The following PPM1A variants were observed in gnomAD, a reference collection of about 807,000 sequenced individuals.
PPM1A encodes protein phosphatase, Mg2+/Mn2+ dependent 1A.
PPM1A carries 7 observed loss-of-function variants against 35.0 expected under a neutral mutation model. That is an observed-to-expected ratio of 0.20 (90% CI 0.11 to 0.38). The LOEUF (loss-of-function observed/expected upper bound fraction) is 0.38. Among genes scored for constraint, PPM1A ranks in the 10% least tolerant of loss-of-function variants. The pLI is 1.00. For missense variants in PPM1A, 239 were observed against 467.8 expected (o/e 0.51, Z 4.51); for synonymous variants, 153 against 167.3 (o/e 0.91, Z 0.66).
Position 60,283,087 on chromosome 14 carries a change from A to G in PPM1A, c.384A>G (p.Thr128=). 6.2e-7 allele frequency: 1 copy of G among 1,614,254 alleles called. No individual in the cohort carries two copies. Among genetic ancestry groups the G allele is most frequent in the Non-Finnish European group, 8.5e-7 (1 of 1,180,050 alleles). The change falls in exon 2 of 6, where the codon ACA becomes ACG. Residue 128 remains threonine (T), a synonymous_variant. Coordinates refer to ENST00000395076, the MANE Select transcript of PPM1A (RefSeq NM_021003.5). The surrounding 1 kb of genome is among the most constrained non-coding windows in gnomAD (Gnocchi z 6.3). ...KKHGADRSGS[T]AVGVLISPQH... is the part of the protein sequence containing the mutation. ...ATGGTGCAGATAGAAGTGGGTCAAC[A>G]GCTGTAGGTGTCTTAATTTCTCCCC...
At chr14:60,261,701 T>G (rs1445973910) in intron 1 of PPM1A, among the ~76,000 whole-genome samples, 1 of 152,170 alleles carries the variant, frequency 6.6e-6, no homozygotes. Flanking sequence ...AGTGGGCTGT[T>G]TAGTTCACTT....
At chr14:60,266,133 G>A (rs1884350307) in intron 1 of PPM1A, among the ~76,000 whole-genome samples, 1 of 152,036 alleles carries the variant, frequency 6.6e-6, no homozygotes, top group African/African-American at 2.4e-5. Context: ...TTAATAGCTA[G>A]CAGGATTGGT....
intron 3 of PPM1A, chr14:60,286,455 A>C: frequency 1.0e-6 from 1 of 985,380 alleles, no homozygotes; most frequent in Non-Finnish European, 1.2e-6. Context: ...CAGTTTCTCT[A>C]AGTGGAAAAA....
intron 1 of PPM1A, among the ~76,000 whole-genome samples, chr14:60,279,542 A>G (rs1198866804): frequency 6.6e-6 from 1 of 152,208 alleles, no homozygotes; most frequent in Non-Finnish European, 1.5e-5. Context: ...GAGATCTATA[A>G]TTAGAAGTGG....
rs1234524822 is a variant in PPM1A, at chr14:60,295,474, A to G, written c.*2992A>G. 6.6e-6 allele frequency: 1 copy of G among 151,772 alleles called. No individual in the cohort carries two copies. Among genetic ancestry groups the G allele is most frequent in the Non-Finnish European group, 1.5e-5 (1 of 67,726 alleles). The allele number at this position is 151,772 out of a possible 1,614,324, so 9.4% of individuals were successfully genotyped here. On this transcript the variant is annotated 3_prime_UTR_variant, in exon 6 of 6. Coordinates refer to ENST00000395076, the MANE Select transcript of PPM1A (RefSeq NM_021003.5). ...CTGCTCTAGCCACTTAATTTTTTAT[A>G]CTAATCTCAACATTAAGAAATTTGG...
intron 1 of PPM1A, among the ~76,000 whole-genome samples, chr14:60,265,329 C>T (rs1301077840): frequency 4.6e-5 from 7 of 152,204 alleles, no homozygotes; most frequent in Admixed American, 4.6e-4. Flanking sequence ...GTATTGGTTT[C>T]AAGCAGTGAG....
rs555048470 is a variant in PPM1A at position 60,254,675 on chromosome 14, TCTTA to T, written c.-21+5001_-21+5004del. On this transcript the variant is annotated intron_variant, in intron 1 of 5. Coordinates refer to ENST00000395076, the MANE Select transcript of PPM1A (RefSeq NM_021003.5). ...AAAAATTGTCTTGGAATAGTGTGGGTCTTACTACTGCAGACCCAAACCAAGATAT... is the reference window on the plus strand; with the variant it reads ...AAAAATTGTCTTGGAATAGTGTGGGTCTACTGCAGACCCAAACCAAGATAT... Among the ~76,000 whole-genome samples, 5 of 152,304 alleles carry T rather than the reference TCTTA, an allele frequency of 3.3e-5. No homozygotes were observed. The East Asian group carries it at 9.6e-4, about 29-fold the overall frequency.
chr14:60,249,766 A>C lies in PPM1A; in HGVS notation c.-21+89A>C. On this transcript the variant is annotated intron_variant, in intron 1 of 5. Transcript: ENST00000395076. This position sits in a 1 kb window ranked among gnomAD's most constrained non-coding sequence, Gnocchi z 4.5. ...GCGGGCAGGCCTGGGGCCTGTAAAC[A>C]AGCCGGGCGTCTGCCCGGGCGCTCC... 9 of 830,454 alleles carry C rather than the reference A, an allele frequency of 1.1e-5. No individual in the cohort carries two copies. Among genetic ancestry groups the C allele is most frequent in the Non-Finnish European group, 1.3e-5 (9 of 689,122 alleles). 51.4% of individuals were successfully genotyped at this position (830,454 alleles called of 1,614,324 possible). A position where few individuals can be genotyped will look rare whatever the true frequency, so the allele number is the denominator to read the frequency against.
intron 2 of PPM1A, among the ~76,000 whole-genome samples, chr14:60,284,722 C>CACATAT (rs1555344275): frequency 5.2e-4 from 58 of 112,426 alleles, no homozygotes; most frequent in African/African-American, 1.8e-3. Flanking sequence ...TATATATATA[C>CACATAT]ATATATATAT....
chr14:60,269,571 G>T (rs1884835636), intron 1 of PPM1A, among the ~76,000 whole-genome samples: 1 of 151,566 alleles, frequency 6.6e-6, no homozygotes, highest in South Asian at 2.1e-4. Flanking sequence ...TTTTATTTGA[G>T]ACAGTCTTGC....
At chr14:60,284,183 C>T (rs1264155777) in intron 2 of PPM1A, among the ~76,000 whole-genome samples, 1 of 152,190 alleles carries the variant, frequency 6.6e-6, no homozygotes, top group Admixed American at 6.5e-5. Flanking sequence ...TGAGCTAGCT[C>T]AGCCCCTTTA....
At chr14:60,250,599 T>A in intron 1 of PPM1A, 1 of 178,010 alleles carries the variant, frequency 5.6e-6, no homozygotes, top group Non-Finnish European at 1.1e-5. Flanking sequence ...TCCTGCTCAT[T>A]GGAATAATGA....
At position 60,289,475 on chromosome 14, in the gene PPM1A, A is replaced by G. The variant is rs1215185056; in HGVS notation, c.953-331A>G. On this transcript the variant is annotated intron_variant, in intron 3 of 5. Transcript: ENST00000395076. This position sits in a 1 kb window ranked among gnomAD's most constrained non-coding sequence, Gnocchi z 4.1. ...AACATGTTTCCAGTCTAAAGAGAGG[A>G]GTGATGTAAGAAGAAACTAGTTGAC... Among the ~76,000 whole-genome samples, 1 of 152,152 alleles carries G rather than the reference A, an allele frequency of 6.6e-6. No individual in the cohort carries two copies. The highest frequency in any genetic ancestry group is 1.9e-4 in the East Asian group (1 of 5,204).
At chr14:60,266,660 A>G (rs986170753) in intron 1 of PPM1A, among the ~76,000 whole-genome samples, 3 of 152,192 alleles carry the variant, frequency 2.0e-5, no homozygotes, top group Non-Finnish European at 2.9e-5. Context: ...TCTCAGTTCT[A>G]TTCCACTGAT....
chr14:60,283,270 C>G lies in PPM1A; in HGVS notation c.567C>G (p.Gly189=), dbSNP rs767681089. The G allele has an allele frequency of 6.2e-7, 1 of 1,614,248 alleles. No homozygotes were observed. Among genetic ancestry groups the G allele is most frequent in the Non-Finnish European group, 8.5e-7 (1 of 1,180,056 alleles). Residue 189 remains glycine, a synonymous_variant, in exon 2 of 6, where the codon GGC becomes GGG. Transcript: ENST00000395076. The surrounding 1 kb of genome is among the most constrained non-coding windows in gnomAD (Gnocchi z 6.3). ...CTGTAATGATTCAGCGTGTGAATGG[C>G]TCTCTGGCTGTATCGAGGGCCCTTG... The part of the protein sequence containing the change: ...GGSVMIQRVN[G]SLAVSRALGD...
At position 60,249,284 on chromosome 14, in the gene PPM1A, G is replaced by C; in HGVS notation, c.-414G>C. On this transcript the variant is annotated 5_prime_UTR_variant, in exon 1 of 6. Coordinates refer to ENST00000395076, the MANE Select transcript of PPM1A (RefSeq NM_021003.5). This position sits in a 1 kb window ranked among gnomAD's most constrained non-coding sequence, Gnocchi z 4.5. ...GAGCGCGCGCGGGAGCTAGAGAGCAGTGGTCTCGGCGCTCGTCCGGCCCGC... is the reference window on the plus strand; with the variant it reads ...GAGCGCGCGCGGGAGCTAGAGAGCACTGGTCTCGGCGCTCGTCCGGCCCGC... The C allele has an allele frequency of 1.0e-6, 1 of 984,822 alleles. No individual in the cohort carries two copies. 61.0% of individuals were successfully genotyped at this position (984,822 alleles called of 1,614,324 possible).
chr14:60,262,695 A>G (rs1033492899), intron 1 of PPM1A, among the ~76,000 whole-genome samples: 7 of 151,560 alleles, frequency 4.6e-5, no homozygotes, highest in Non-Finnish European at 7.4e-5. Context: ...CAAACAAACA[A>G]ACAACAAAAA....
At chr14:60,248,343 T>C (rs1243162079), upstream of PPM1A, among the ~76,000 whole-genome samples, 3 of 152,264 alleles carry the variant, frequency 2.0e-5, no homozygotes, top group Non-Finnish European at 4.4e-5. Flanking sequence ...TGGAGGTCGT[T>C]GGAGGTCCCC....
chr14:60,245,970 G>C, upstream of PPM1A: 13 of 1,578,496 alleles, frequency 8.2e-6, no homozygotes, highest in African/African-American at 1.3e-5. This position sits in a 1 kb window ranked among gnomAD's most constrained non-coding sequence, Gnocchi z 4.2. Context: ...AGAAGAAAAA[G>C]GGAGGAGAGA....
Sources: allele counts gnomAD v4.1 joint callset (sites outside exome capture counted in the v4.1 genomes callset), GRCh38; gene constraint gnomAD v4.1.1; non-coding constraint Gnocchi (gnomAD v3.1); transcripts MANE v1.5; gene names NCBI Gene and HGNC (gene_info 2026-07-23, HGNC 2026-07-21).